The following RPS6KC1 variants were observed in gnomAD, a reference collection of about 807,000 sequenced individuals.
RPS6KC1 encodes the protein inactive ribosomal protein S6 kinase delta-1.
RPS6KC1 carries 54 observed loss-of-function variants against 103.8 expected under a neutral mutation model. The ratio of observed to expected loss-of-function variants is 0.52; its 90% CI spans 0.42 to 0.65. The LOEUF (loss-of-function observed/expected upper bound fraction) is 0.65. RPS6KC1 is among the 30% of genes least tolerant of loss of function. RPS6KC1 has a pLI of 0.00. For synonymous variants in RPS6KC1, 439 were observed against 438.7 expected (o/e 1.00, Z -0.01); for missense variants, 1,151 against 1,253.8 (o/e 0.92, Z 1.24).
At chr1:213,392,132 A>G in the RPS6KC1 span, among the ~76,000 whole-genome samples, 1 of 152,180 alleles carries the variant, frequency 6.6e-6, no homozygotes, top group Non-Finnish European at 1.5e-5. Context: ...GTACAGAAAA[A>G]GTCCCACCCA....
chr1:213,631,067 A>G, the RPS6KC1 span, among the ~76,000 whole-genome samples: 1 of 152,086 alleles, frequency 6.6e-6, no homozygotes, highest in Non-Finnish European at 1.5e-5. Flanking sequence ...GAAAAGCGCA[A>G]TATTAGGGTG....
the RPS6KC1 span, among the ~76,000 whole-genome samples, chr1:213,452,375 C>T: frequency 5.3e-5 from 8 of 151,544 alleles, no homozygotes; most frequent in Non-Finnish European, 1.2e-4. Flanking sequence ...TCTCGCCCTC[C>T]CCCACTTCTT....
intron 10 of RPS6KC1, among the ~76,000 whole-genome samples, chr1:213,233,560 C>T (rs2094151900): frequency 6.6e-6 from 1 of 152,146 alleles, no homozygotes; most frequent in African/African-American, 2.4e-5. Context: ...GCAAAATTTT[C>T]AGTCTTAACT....
Position 213,077,705 on chromosome 1 carries a change from TG to T in RPS6KC1, c.153del (p.Trp51Ter). 6.8e-7 allele frequency: 1 copy of T among 1,461,760 alleles called. No homozygotes were observed. Among genetic ancestry groups the T allele is most frequent in the Non-Finnish European group, 9.3e-7 (1 of 1,071,836 alleles). 90.5% of individuals were successfully genotyped at this position (1,461,760 alleles called of 1,614,324 possible). A position where few individuals can be genotyped will look rare whatever the true frequency, so the allele number is the denominator to read the frequency against. On this transcript the variant is annotated frameshift_variant, in exon 3 of 15. Coordinates refer to ENST00000366960, the MANE Select transcript of RPS6KC1 (RefSeq NM_012424.6). LOFTEE classifies it high-confidence loss of function. ...NPEDVQEIIV[W>X]KRYSDFKKLH... ...ATTTTTTTCTCTCTAGATAATTGTATGGAAGAGATACAGTGATTTTAAGAAA... is the reference window on the plus strand; with the variant it reads ...ATTTTTTTCTCTCTAGATAATTGTATGAAGAGATACAGTGATTTTAAGAAA...
chr1:213,674,454 A>T, the RPS6KC1 span, among the ~76,000 whole-genome samples: 1 of 152,186 alleles, frequency 6.6e-6, no homozygotes, highest in African/African-American at 2.4e-5. Context: ...ATCCATGTTG[A>T]TGCAGAGGAC....
chr1:213,814,137 T>C, the RPS6KC1 span, among the ~76,000 whole-genome samples: 2 of 152,174 alleles, frequency 1.3e-5, no homozygotes, highest in South Asian at 4.1e-4. Context: ...GTGATGTGAG[T>C]TCCAATTCCA....
At chr1:213,161,120 A>G (rs914143979) in intron 6 of RPS6KC1, among the ~76,000 whole-genome samples, 1 of 152,198 alleles carries the variant, frequency 6.6e-6, no homozygotes, top group Non-Finnish European at 1.5e-5. Flanking sequence ...AAACATTGAG[A>G]TGACCATGTG....
the RPS6KC1 span, among the ~76,000 whole-genome samples, chr1:213,553,949 T>G: frequency 1.1e-4 from 17 of 152,168 alleles, no homozygotes; most frequent in Non-Finnish European, 2.1e-4. Flanking sequence ...ATGCATAGTT[T>G]GCAAATATTT....
At chr1:213,252,177 G>A (rs988464873) in intron 12 of RPS6KC1, among the ~76,000 whole-genome samples, 12 of 152,240 alleles carry the variant, frequency 7.9e-5, no homozygotes, top group Non-Finnish European at 1.5e-4. Flanking sequence ...CACAGCAAGA[G>A]CTGGTGAGAG....
At chr1:213,106,849 G>C (rs1363935000) in intron 4 of RPS6KC1, among the ~76,000 whole-genome samples, 2 of 151,968 alleles carry the variant, frequency 1.3e-5, no homozygotes, top group Non-Finnish European at 2.9e-5. Context: ...ATTAGTATTA[G>C]TACAGTTACT....
intron 8 of RPS6KC1, among the ~76,000 whole-genome samples, chr1:213,191,196 T>C (rs2092732417): frequency 6.6e-6 from 1 of 152,226 alleles, no homozygotes; most frequent in Non-Finnish European, 1.5e-5. Context: ...GCCATTAGTA[T>C]TTTGATAAAG....
the RPS6KC1 span, among the ~76,000 whole-genome samples, chr1:213,842,945 G>A: frequency 1.3e-5 from 2 of 152,146 alleles, no homozygotes; most frequent in South Asian, 2.1e-4. Context: ...CAATAGGCTA[G>A]AGATATATAA....
At chr1:213,363,690 CTTT>C in the RPS6KC1 span, among the ~76,000 whole-genome samples, 46 of 99,876 alleles carry the variant, frequency 4.6e-4, 5 homozygotes, top group African/African-American at 1.6e-3. Flanking sequence ...TTCTTTCTTT[CTTT>C]CTTTCTTTCC....
Position 213,272,613 on chromosome 1 carries a change from T to A in RPS6KC1, c.3180T>A (p.Asp1060Glu). 1 of 1,613,218 alleles carries A rather than the reference T, an allele frequency of 6.2e-7. No individual in the cohort carries two copies. The highest frequency in any genetic ancestry group is 8.5e-7 in the Non-Finnish European group (1 of 1,179,192). Residue 1060 changes from aspartate (D) to glutamate (E), a missense_variant, in exon 15 of 15, where the codon GAT becomes GAA. Transcript: ENST00000366960. ...CTCATCCATTTTTTACCCCTGTGGATTGGGCAGAACTGATGAGATGAACGT... is the reference window on the plus strand; with the variant it reads ...CTCATCCATTTTTTACCCCTGTGGAATGGGCAGAACTGATGAGATGAACGT... ...IKSHPFFTPV[D>E]WAELMR
At chr1:213,595,748 A>T in the RPS6KC1 span, among the ~76,000 whole-genome samples, 1 of 152,254 alleles carries the variant, frequency 6.6e-6, no homozygotes, top group African/African-American at 2.4e-5. Context: ...CAGAGTGCTT[A>T]TAATTTGACA....
At chr1:213,521,564 G>A in the RPS6KC1 span, among the ~76,000 whole-genome samples, 9 of 152,236 alleles carry the variant, frequency 5.9e-5, no homozygotes, top group East Asian at 1.7e-3. Context: ...AGGTGGTACT[G>A]TTTGATAGCA....
At chr1:213,308,618 T>C in the RPS6KC1 span, among the ~76,000 whole-genome samples, 1 of 152,222 alleles carries the variant, frequency 6.6e-6, no homozygotes, top group Non-Finnish European at 1.5e-5. Flanking sequence ...GCTGACTGTT[T>C]CGTTGGCTTA....
In RPS6KC1 at chr1:213,051,309, C is replaced by G; in HGVS notation, c.-96C>G. On this transcript the variant is annotated 5_prime_UTR_variant, in exon 1 of 15. Coordinates refer to ENST00000366960, the MANE Select transcript of RPS6KC1 (RefSeq NM_012424.6). ...CGCCTTGGAGCCACCGCCCCCTCGC[C>G]GCTTCGCCGCTGCGTTGGGGAACCT... 1.1e-6 allele frequency: 1 copy of G among 881,542 alleles called. No homozygotes were observed. Among genetic ancestry groups the G allele is most frequent in the East Asian group, 2.6e-5 (1 of 37,964 alleles). The allele number at this position is 881,542 out of a possible 1,614,324, so 54.6% of individuals were successfully genotyped here.
At chr1:213,727,706 C>T in the RPS6KC1 span, among the ~76,000 whole-genome samples, 2 of 151,810 alleles carry the variant, frequency 1.3e-5, no homozygotes, top group African/African-American at 4.8e-5. Context: ...TTCCAAAGGA[C>T]AAAGATATAT....
Sources: allele counts gnomAD v4.1 joint callset (sites outside exome capture counted in the v4.1 genomes callset), GRCh38; gene constraint gnomAD v4.1.1; transcripts MANE v1.5; gene names NCBI Gene and HGNC (gene_info 2026-07-23, HGNC 2026-07-21).